GPC5: variants seen among roughly 807,000 people sequenced by gnomAD.
GPC5 encodes the protein glypican 5.
A neutral mutation model predicts 53.9 loss-of-function variants in GPC5; 47 were observed. The ratio of observed to expected loss-of-function variants is 0.87; its 90% CI spans 0.69 to 1.11. The LOEUF (loss-of-function observed/expected upper bound fraction) is 1.11, where lower values mean the gene tolerates loss of function less well. Among genes scored for constraint, GPC5 ranks in the 50% most tolerant of loss-of-function variants. GPC5 has a pLI of 0.00. For missense variants in GPC5, 748 were observed against 713.1 expected, an observed-to-expected ratio of 1.05 and a Z score of -0.56; for synonymous variants, 286 against 263.3, an observed-to-expected ratio of 1.09 and a Z score of -0.84.
intron 7 of GPC5, among the ~76,000 whole-genome samples, chr13:92,602,947 C>G (rs1884129177): frequency 6.6e-6 from 1 of 152,112 alleles, no homozygotes; most frequent in African/African-American, 2.4e-5. Context: ...CAAGTCCTCT[C>G]TCAGCAGTCT....
intron 7 of GPC5, among the ~76,000 whole-genome samples, chr13:92,384,195 C>T (rs1164665466): frequency 1.3e-5 from 2 of 150,926 alleles, no homozygotes; most frequent in African/African-American, 4.9e-5. Flanking sequence ...TAATTGGTAA[C>T]TTGGCCAAGT....
chr13:91,589,014 C>G (rs1326064667), intron 2 of GPC5, among the ~76,000 whole-genome samples: 1 of 152,090 alleles, frequency 6.6e-6, no homozygotes, highest in Admixed American at 6.6e-5. Flanking sequence ...AATTTTCTCC[C>G]ATTATCTCTT....
intron 6 of GPC5, among the ~76,000 whole-genome samples, chr13:92,066,225 T>A (rs2041166477): frequency 6.6e-6 from 1 of 152,050 alleles, no homozygotes; most frequent in African/African-American, 2.4e-5. Flanking sequence ...GGACAAGGGC[T>A]GCCATAAGCT....
chr13:91,686,614 G>T (rs796219786), intron 2 of GPC5, among the ~76,000 whole-genome samples: 51 of 151,892 alleles, frequency 3.4e-4, no homozygotes, highest in African/African-American at 1.1e-3. Context: ...GGCTATAATG[G>T]TCTTCTGAAA....
In GPC5 at chr13:92,643,121, T is replaced by C. The variant is rs550621199; in HGVS notation, c.1562-223161T>C. ...TTGAGTTCATTGTAGATTCTGGATATTAGCCCTTTGTCAGATGAGGAGGTT... is the reference window on the plus strand; with the variant it reads ...TTGAGTTCATTGTAGATTCTGGATACTAGCCCTTTGTCAGATGAGGAGGTT... On this transcript the variant is annotated intron_variant, in intron 7 of 7. Coordinates refer to ENST00000377067, the MANE Select transcript of GPC5 (RefSeq NM_004466.6). 9.2e-5 allele frequency among the ~76,000 whole-genome samples: 14 copies of C among 152,276 alleles called. No individual in the cohort carries two copies. The South Asian group carries it at 2.9e-3, about 32-fold the overall frequency.
intron 5 of GPC5, among the ~76,000 whole-genome samples, chr13:91,887,291 G>A (rs1254829236): frequency 6.6e-6 from 1 of 152,140 alleles, no homozygotes; most frequent in African/African-American, 2.4e-5. Context: ...GCAATGCAGG[G>A]CACCAAGTCT....
At chr13:91,569,955 G>A (rs1303621671) in intron 2 of GPC5, among the ~76,000 whole-genome samples, 10 of 152,098 alleles carry the variant, frequency 6.6e-5, no homozygotes, top group Non-Finnish European at 1.3e-4. Context: ...CATGTATTTT[G>A]TTACAGCAGG....
chr13:92,557,978 C>T lies in GPC5; in HGVS notation c.1562-308304C>T, dbSNP rs76866063. Among the ~76,000 whole-genome samples, 982 of 151,922 alleles carry T rather than the reference C, an allele frequency of 6.5e-3. 10 individuals are homozygous for T. The highest frequency in any genetic ancestry group is 0.023 in the African/African-American group (937 of 41,462). On this transcript the variant is annotated intron_variant, in intron 7 of 7. Transcript: ENST00000377067. ...GAGAAATTAAATTACATTCTATATC[C>T]AGATAAAAAGGAAATGATAAATATA...
intron 7 of GPC5, among the ~76,000 whole-genome samples, chr13:92,850,857 T>G (rs1167980254): frequency 1.3e-5 from 2 of 152,178 alleles, no homozygotes; most frequent in African/African-American, 4.8e-5. Context: ...GAAAAAGTAT[T>G]AAATCTATCT....
At chr13:91,843,561 A>T (rs2038813929) in intron 5 of GPC5, among the ~76,000 whole-genome samples, 1 of 152,206 alleles carries the variant, frequency 6.6e-6, no homozygotes, top group Non-Finnish European at 1.5e-5. Context: ...ACCTTGTAAT[A>T]GTCTTCAGAT....
chr13:91,416,633 G>A (rs1037054106), intron 1 of GPC5, among the ~76,000 whole-genome samples: 1 of 151,688 alleles, frequency 6.6e-6, no homozygotes, highest in Non-Finnish European at 1.5e-5. Context: ...GACAGGCCCT[G>A]GTGTGTGATG....
At chr13:92,724,913 A>ACACACACACACACACACACACAC (rs1566386562) in intron 7 of GPC5, among the ~76,000 whole-genome samples, 2 of 88,874 alleles carry the variant, frequency 2.3e-5, no homozygotes. Flanking sequence ...CACACACACA[A>ACACACACACACACACACACACAC]GAAAGAAAAA....
chr13:91,759,716 T>TC (rs5805717), intron 5 of GPC5, among the ~76,000 whole-genome samples: 2,160 of 152,156 alleles, frequency 0.014, 53 homozygotes, highest in African/African-American at 0.047. Flanking sequence ...ATTTTTTTTT[T>TC]CTCAATGCCA....
At chr13:92,254,130 A>C (rs559121220) in intron 7 of GPC5, among the ~76,000 whole-genome samples, 1 of 152,066 alleles carries the variant, frequency 6.6e-6, no homozygotes, top group Admixed American at 6.6e-5. Flanking sequence ...AAACCAGGGG[A>C]ACAAAAAATT....
intron 7 of GPC5, among the ~76,000 whole-genome samples, chr13:92,301,056 T>C (rs1193004937): frequency 6.6e-6 from 1 of 152,146 alleles, no homozygotes; most frequent in East Asian, 1.9e-4. Flanking sequence ...TAGTAGCACA[T>C]AGTATGTAAA....
chr13:92,482,150 T>C (rs1879383106), intron 7 of GPC5, among the ~76,000 whole-genome samples: 1 of 151,928 alleles, frequency 6.6e-6, no homozygotes. Context: ...AAATTCCTGA[T>C]GTTGGGTGCG....
At chr13:92,614,240 T>C (rs1884605998) in intron 7 of GPC5, among the ~76,000 whole-genome samples, 1 of 152,180 alleles carries the variant, frequency 6.6e-6, no homozygotes, top group Non-Finnish European at 1.5e-5. Context: ...TTTAAATATC[T>C]TTGAAAAATA....
At position 91,431,084 on chromosome 13, in the gene GPC5, G is replaced by T. The variant is rs185190227; in HGVS notation, c.164-17677G>T. ...GAGATGGGATTTTGTTTGCCATGCT[G>T]CCCAGGTTGGTCTCAAACTCCTGGG... On this transcript the variant is annotated intron_variant, in intron 1 of 7. Transcript: ENST00000377067. Among the ~76,000 whole-genome samples, 5 of 152,262 alleles carry T rather than the reference G, an allele frequency of 3.3e-5. No homozygotes were observed. The East Asian group carries it at 5.8e-4, about 18-fold the overall frequency.
chr13:91,788,906 T>A (rs2037920108), intron 5 of GPC5, among the ~76,000 whole-genome samples: 1 of 152,192 alleles, frequency 6.6e-6, no homozygotes, highest in South Asian at 2.1e-4. Flanking sequence ...TATGATACAG[T>A]GCAGCATATT....
Sources: allele counts gnomAD v4.1 joint callset (sites outside exome capture counted in the v4.1 genomes callset), GRCh38; gene constraint gnomAD v4.1.1; transcripts MANE v1.5; gene names NCBI Gene and HGNC (gene_info 2026-07-23, HGNC 2026-07-21).